Variants in GPR174 observed in about 807,000 individuals in gnomAD.
GPR174 encodes G protein-coupled receptor 174.
GPR174 carries 8 observed loss-of-function variants against 16.5 expected under a neutral mutation model. The ratio of observed to expected loss-of-function variants is 0.48; its 90% CI spans 0.28 to 0.87. GPR174 has a LOEUF of 0.87. Ranked by LOEUF, GPR174 falls within the 40% of genes least tolerant of loss-of-function variation. GPR174 has a pLI of 0.09. For synonymous variants in GPR174, 111 were observed against 94.8 expected (o/e 1.17, Z -0.99); for missense variants, 214 against 247.5 (o/e 0.86, Z 0.91).
At chrX:79,145,674 T>A (rs984577543) in intron 1 of GPR174, among the ~76,000 whole-genome samples, 1 of 111,839 alleles carries the variant, frequency 8.9e-6, no homozygotes, top group African/African-American at 3.3e-5. Flanking sequence ...TCAAAATGAA[T>A]GGTTATTTGA....
chrX:79,156,551 AG>A (rs753813991), intron 1 of GPR174, among the ~76,000 whole-genome samples: 2 of 112,162 alleles, frequency 1.8e-5, no homozygotes, highest in Admixed American at 1.9e-4. Context: ...CCTTGTGACC[AG>A]GGAGTGACAC....
chrX:79,153,237 T>A (rs1220413181), intron 1 of GPR174, among the ~76,000 whole-genome samples: 1 of 111,880 alleles, frequency 8.9e-6, no homozygotes, highest in East Asian at 2.8e-4. Context: ...TCTCTCTTTT[T>A]TTCTGTTGTG....
At chrX:79,145,695 A>T (rs1473748281) in intron 1 of GPR174, among the ~76,000 whole-genome samples, 1 of 111,778 alleles carries the variant, frequency 8.9e-6, no homozygotes, top group Non-Finnish European at 1.9e-5. Flanking sequence ...AAAATGAGAG[A>T]TACAATATTT....
chrX:79,148,128 C>G (rs1926536650), intron 1 of GPR174, among the ~76,000 whole-genome samples: 1 of 111,603 alleles, frequency 9.0e-6, no homozygotes, highest in African/African-American at 3.3e-5. Context: ...TAAAATTTAA[C>G]CATTATCAGG....
chrX:79,145,882 T>A (rs1041226911), intron 1 of GPR174, among the ~76,000 whole-genome samples: 4 of 111,755 alleles, frequency 3.6e-5, no homozygotes, highest in African/African-American at 1.3e-4. Context: ...ACAGGCACAG[T>A]TGCTCTGTTT....
intron 1 of GPR174, among the ~76,000 whole-genome samples, chrX:79,153,945 A>G (rs1456813692): frequency 8.9e-6 from 1 of 112,094 alleles, no homozygotes; most frequent in African/African-American, 3.2e-5. Flanking sequence ...AGAGATTAAT[A>G]CAAAATTAGT....
intron 2 of GPR174, among the ~76,000 whole-genome samples, chrX:79,161,377 C>G (rs1006678104): frequency 4.5e-5 from 5 of 111,991 alleles, no homozygotes; most frequent in African/African-American, 1.6e-4. Flanking sequence ...GCTTAGTTTT[C>G]ACTCTAATGA....
At chrX:79,167,757 G>T (rs751545601) in intron 2 of GPR174, among the ~76,000 whole-genome samples, 32 of 112,015 alleles carry the variant, frequency 2.9e-4, no homozygotes, top group African/African-American at 1.0e-3. Context: ...TCTCAGTAGA[G>T]AAATTTAGAC....
chrX:79,157,155 A>C (rs1005942606), intron 2 of GPR174, among the ~76,000 whole-genome samples: 3 of 111,842 alleles, frequency 2.7e-5, no homozygotes, highest in Non-Finnish European at 5.6e-5. Context: ...CATTCTTTTC[A>C]ATAGTGCTCT....
intron 2 of GPR174, among the ~76,000 whole-genome samples, chrX:79,164,438 A>T (rs377563453): frequency 8.9e-6 from 1 of 111,748 alleles, no homozygotes; most frequent in East Asian, 2.8e-4. Flanking sequence ...GAGTCCAGCC[A>T]TCTTTATTTT....
intron 1 of GPR174, among the ~76,000 whole-genome samples, chrX:79,152,358 T>A (rs1180986505): frequency 1.2e-5 from 1 of 83,700 alleles, no homozygotes; most frequent in Non-Finnish European, 2.6e-5. Context: ...GATCAAGGAC[T>A]TGGAGTTCTT....
chrX:79,166,436 T>TTTC, intron 2 of GPR174, among the ~76,000 whole-genome samples: 1 of 67,630 alleles, frequency 1.5e-5, no homozygotes, highest in Non-Finnish European at 2.8e-5. Flanking sequence ...TTTTTTCTTT[T>TTTC]TTTTTTTTTT....
At chrX:79,156,535 AG>A (rs1473010005) in intron 1 of GPR174, among the ~76,000 whole-genome samples, 1 of 112,228 alleles carries the variant, frequency 8.9e-6, no homozygotes, top group Non-Finnish European at 1.9e-5. Context: ...ACCATAGTTA[AG>A]GGCTCCTTGT....
At chrX:79,166,690 C>G (rs1921380456) in intron 2 of GPR174, among the ~76,000 whole-genome samples, 1 of 109,750 alleles carries the variant, frequency 9.1e-6, no homozygotes, top group Admixed American at 9.7e-5. Context: ...CAGACTTGGC[C>G]TCCTAAAGTG....
At chrX:79,158,442 C>CTTT (rs1273588581) in intron 2 of GPR174, among the ~76,000 whole-genome samples, 3 of 73,942 alleles carry the variant, frequency 4.1e-5, no homozygotes, top group African/African-American at 1.4e-4. Flanking sequence ...TTCTTTCTTT[C>CTTT]TTTTTCTTTT....
At chrX:79,150,856 G>A (rs182434579) in intron 1 of GPR174, among the ~76,000 whole-genome samples, 2 of 111,189 alleles carry the variant, frequency 1.8e-5, no homozygotes, top group African/African-American at 6.5e-5. Context: ...TTAGCAAAGG[G>A]AAAATAATAG....
intron 1 of GPR174, among the ~76,000 whole-genome samples, chrX:79,147,256 C>A (rs1360388659): frequency 1.8e-5 from 2 of 110,821 alleles, no homozygotes; most frequent in Non-Finnish European, 3.8e-5. Context: ...GAATCCAGGT[C>A]TCTTCATACC....
At chrX:79,157,071 G>A (rs760983077) in intron 2 of GPR174, among the ~76,000 whole-genome samples, 153 bp downstream of exon 2, 36 of 111,814 alleles carry the variant, frequency 3.2e-4, no homozygotes, top group African/African-American at 1.2e-3. Context: ...CAATAGCCTG[G>A]TTTTAGCAAT....
chrX:79,171,502 G>A lies in GPR174; in HGVS notation c.495G>A (p.Arg165=). 1 of 1,211,398 alleles carries A rather than the reference G, an allele frequency of 8.3e-7. No homozygotes were observed. The highest frequency in any genetic ancestry group is 1.1e-6 in the Non-Finnish European group (1 of 895,422). The change falls in exon 3 of 3, where the codon AGG becomes AGA. Residue 165 remains arginine (R), a synonymous_variant. Coordinates refer to ENST00000645147, the MANE Select transcript of GPR174 (RefSeq NM_032553.3). ...CCAGTGATGATACCTCTGGCAATAG[G>A]ACCAAATGCTTTGTGGATCTTCCTA... The part of the protein sequence containing the change: ...LRTSDDTSGN[R]TKCFVDLPTR...
Sources: gnomAD v4.1 joint callset for allele counts (sites outside exome capture counted in the v4.1 genomes callset) on GRCh38, gnomAD v4.1.1 for gene constraint, MANE v1.5 for transcripts, NCBI Gene and HGNC (gene_info 2026-07-23, HGNC 2026-07-21) for gene names.